CACTIN: variants seen among roughly 807,000 people sequenced by gnomAD.
CACTIN encodes the protein cactin, spliceosome C complex subunit.
In CACTIN, 20 loss-of-function variants were observed where a neutral mutation model predicts 84.9. That is an observed-to-expected ratio of 0.24 (90% CI 0.17 to 0.34). The LOEUF is 0.34. CACTIN is among the 10% of genes least tolerant of loss of function. The pLI is 1.00. For missense variants in CACTIN, 897 were observed against 1,117.2 expected (o/e 0.80, Z 2.81); for synonymous variants, 549 against 467.9 (o/e 1.17, Z -2.24).
At position 3,612,126 on chromosome 19, in the gene CACTIN, G is replaced by A; in HGVS notation, c.2074C>T (p.Pro692Ser). The change falls in exon 10 of 10, where the codon CCC (proline) becomes TCC (serine). Residue 692 changes from proline to serine, a missense_variant. Pro to Ser is a moderately conservative substitution (Grantham distance 74, BLOSUM62 -1). Around this residue, in one of 8 missense-constraint regions of CACTIN, gnomAD observed 50 missense variants for 51.6 expected, o/e 0.97. Transcript: ENST00000429344. ...GCGCAGGCCTCCAGGAAGTACTCGGGCGTGGAGCGCTTGTCGATGAGGTCG... is the reference window on the plus strand; with the variant it reads ...GCGCAGGCCTCCAGGAAGTACTCGGACGTGGAGCGCTTGTCGATGAGGTCG... ...YPDLIDKRST[P>S]EYFLEACADN... 1 of 1,613,814 alleles carries A rather than the reference G, an allele frequency of 6.2e-7. No individual in the cohort carries two copies. Among genetic ancestry groups the A allele is most frequent in the South Asian group, 1.1e-5 (1 of 91,092 alleles).
At chr19:3,617,069 A>T (rs1251343916) in intron 6 of CACTIN, among the ~76,000 whole-genome samples, 1 of 152,024 alleles carries the variant, frequency 6.6e-6, no homozygotes, top group Non-Finnish European at 1.5e-5. Context: ...CACAGTGAGC[A>T]GAGATCGCAC....
intron 6 of CACTIN, chr19:3,616,190 G>A (rs1024233432): frequency 1.3e-5 from 2 of 152,292 alleles, no homozygotes; most frequent in Non-Finnish European, 2.9e-5. Flanking sequence ...GCCCTACACA[G>A]GGTGGGAGGC....
At chr19:3,619,937 T>C (rs2033187809) in intron 4 of CACTIN, among the ~76,000 whole-genome samples, 190 bp downstream of exon 4, 1 of 152,128 alleles carries the variant, frequency 6.6e-6, no homozygotes, top group Admixed American at 6.5e-5. Flanking sequence ...CCGTCTCCTC[T>C]GCACCCTGCC....
At chr19:3,619,548 T>C (rs1214300919) in intron 4 of CACTIN, among the ~76,000 whole-genome samples, 1 of 152,114 alleles carries the variant, frequency 6.6e-6, no homozygotes, top group Non-Finnish European at 1.5e-5. Flanking sequence ...CTATGTGGGC[T>C]GTGATGGGGA....
At position 3,613,520 on chromosome 19, in the gene CACTIN, C is replaced by T. The variant is rs1483684466; in HGVS notation, c.1422G>A (p.Val474=). The part of the protein sequence containing the change: ...KLYKLKQEQG[V]ESEPLFPILK... ...GGATGGGGAACAGCGGCTCGCTCTCCACGCCCTGCTCCTGCTTCAGTTTGT... is the reference window on the plus strand; with the variant it reads ...GGATGGGGAACAGCGGCTCGCTCTCTACGCCCTGCTCCTGCTTCAGTTTGT... The change falls in exon 8 of 10, where the codon GTG becomes GTA. Residue 474 remains valine, a synonymous_variant. Coordinates refer to ENST00000429344, the MANE Select transcript of CACTIN (RefSeq NM_001080543.2). 10 of 1,590,482 alleles carry T rather than the reference C, an allele frequency of 6.3e-6. No individual in the cohort carries two copies. Among genetic ancestry groups the T allele is most frequent in the Non-Finnish European group, 7.7e-6 (9 of 1,173,164 alleles).
At chr19:3,625,622 C>A (rs1338216125) in intron 1 of CACTIN, among the ~76,000 whole-genome samples, 3 of 152,170 alleles carry the variant, frequency 2.0e-5, no homozygotes, top group Non-Finnish European at 4.4e-5. Flanking sequence ...CCCCAGCTAC[C>A]GGGGAGGCTG....
chr19:3,626,068 C>G (rs1165876493), intron 1 of CACTIN, among the ~76,000 whole-genome samples: 1 of 152,174 alleles, frequency 6.6e-6, no homozygotes, highest in African/African-American at 2.4e-5. Context: ...CCTCTGAAAT[C>G]TACGCACTTT....
In CACTIN at chr19:3,626,749, G is replaced by C. The variant is rs762520508; in HGVS notation, c.14C>G (p.Thr5Arg). 1.2e-5 allele frequency: 18 copies of C among 1,485,760 alleles called. No individual in the cohort carries two copies. Among genetic ancestry groups the C allele is most frequent in the African/African-American group, 8.8e-5 (6 of 68,550 alleles). 92.0% of individuals were successfully genotyped at this position (1,485,760 alleles called of 1,614,324 possible). Reference sequence around the variant, plus strand: ...ACCCGCGGACCGCGAGCGCGAGCGTGTGTCCCGACCCATCGGCTGGGCCAG... The same window carrying C: ...ACCCGCGGACCGCGAGCGCGAGCGTCTGTCCCGACCCATCGGCTGGGCCAG... Reference protein sequence around the residue: MGRDTRSRSRSAGRR... With the variant: MGRDRRSRSRSAGRR... Residue 5 changes from threonine to arginine, a missense_variant, in exon 1 of 10, where the codon ACA becomes AGA. This residue lies in a region of CACTIN where 261 missense variants were observed against 243.8 expected (regional missense o/e 1.07). Coordinates refer to ENST00000429344, the MANE Select transcript of CACTIN (RefSeq NM_001080543.2).
rs1190241361 is a variant in CACTIN, at chr19:3,613,323, G to A, written c.1521C>T (p.Ser507=). ...CGGCCTCCGCGGGGCCGCCCTCCGA[G>A]GAGGGCCCGGGCGGGGTGGGCGCCG... The part of the protein sequence containing the change: ...EDAAPTPPGP[S]SEGGPAEAEV... The change falls in exon 9 of 10, where the codon TCC becomes TCT. Residue 507 remains serine (S), a synonymous_variant. Transcript: ENST00000429344. 3 of 1,548,910 alleles carry A rather than the reference G, an allele frequency of 1.9e-6. No individual in the cohort carries two copies. The highest frequency in any genetic ancestry group is 8.7e-7 in the Non-Finnish European group (1 of 1,154,838).
chr19:3,610,760 A>C lies in CACTIN; in HGVS notation c.*1163T>G, dbSNP rs2032928001. 1 of 456,946 alleles carries C rather than the reference A, an allele frequency of 2.2e-6. No individual in the cohort carries two copies. Among genetic ancestry groups the C allele is most frequent in the African/African-American group, 2.0e-5 (1 of 50,084 alleles). 28.3% of individuals were successfully genotyped at this position (456,946 alleles called of 1,614,324 possible). ...AAGTCTTTTTAGAGAAACAAACGGA[A>C]CTATTTCCAGATGAGGCGGGGTGTC... is the stretch of plus-strand genomic sequence containing the variant. On this transcript the variant is annotated 3_prime_UTR_variant, in exon 10 of 10. Coordinates refer to ENST00000429344, the MANE Select transcript of CACTIN (RefSeq NM_001080543.2).
rs372960570 is a variant in CACTIN at position 3,622,473 on chromosome 19, GAACATTTA to G, written c.642+1207_642+1214del. ...ATGCCTGGTGTCCTCATGGGAAGAG[GAACATTTA>G]CACACAGACACACAGAGCAGAAGGC... On this transcript the variant is annotated intron_variant, in intron 2 of 9. Coordinates refer to ENST00000429344, the MANE Select transcript of CACTIN (RefSeq NM_001080543.2). 5.2e-4 allele frequency among the ~76,000 whole-genome samples: 79 copies of G among 152,286 alleles called. 1 individual carries two copies. The East Asian group carries it at 0.014, about 27-fold the overall frequency.
At chr19:3,614,861 A>G (rs540749152) in intron 6 of CACTIN, 2 of 524,664 alleles carry the variant, frequency 3.8e-6, no homozygotes, top group South Asian at 2.0e-5. Context: ...GGGGGAGGCC[A>G]GGACTGGCCC....
rs775471868 is a variant in CACTIN, at chr19:3,612,558, A to G, written c.1787-145T>C. ...GAGCTAAGGCACATGGGGAGGGGAC[A>G]GGGCCTGGGCGACCCGGAGACCCAC... On this transcript the variant is annotated intron_variant, in intron 9 of 9. Transcript: ENST00000429344. 8.6e-4 allele frequency: 1,066 copies of G among 1,241,584 alleles called. 2 individuals carry two copies. Among genetic ancestry groups the G allele is most frequent in the Non-Finnish European group, 7.5e-4 (688 of 918,844 alleles). The allele number at this position is 1,241,584 out of a possible 1,614,324, so 76.9% of individuals were successfully genotyped here. A position where few individuals can be genotyped will look rare whatever the true frequency, so the allele number is the denominator to read the frequency against.
rs1599890064 is a variant in CACTIN at position 3,619,004 on chromosome 19, C to G, written c.1048-15G>C. 6.4e-7 allele frequency: 1 copy of G among 1,550,420 alleles called. No individual in the cohort carries two copies. The highest frequency in any genetic ancestry group is 8.7e-7 in the Non-Finnish European group (1 of 1,146,616). On this transcript the variant is annotated splice_polypyrimidine_tract_variant and intron_variant, in intron 5 of 9. Transcript: ENST00000429344. ...TCCATGTAGACCTGGGGGCAGGGGG[C>G]AGGGGTCAGGACACGGGTGTGGCTG...
In CACTIN at chr19:3,613,364, G is replaced by C; in HGVS notation, c.1480C>G (p.Leu494Val). 3 of 1,521,260 alleles carry C rather than the reference G, an allele frequency of 2.0e-6. No individual in the cohort carries two copies. Among genetic ancestry groups the C allele is most frequent in the Non-Finnish European group, 2.6e-6 (3 of 1,138,824 alleles). The allele number at this position is 1,521,260 out of a possible 1,614,324, so 94.2% of individuals were successfully genotyped here. A position where few individuals can be genotyped will look rare whatever the true frequency, so the allele number is the denominator to read the frequency against. The stretch of plus-strand genomic sequence containing the variant: ...GTGGGCGCCGCGTCCTCAGGCTCCA[G>C]GCTGGGAGGAGAGAGCGTTGGAGGC... ...KQEPQSPSRSLEPEDAAPTPP... is the reference protein window; with the variant it reads ...KQEPQSPSRSVEPEDAAPTPP... The change falls in exon 9 of 10, where the codon CTG becomes GTG. Residue 494 changes from leucine to valine, a missense_variant and splice_region_variant. Physicochemically the swap from Leu to Val is conservative, Grantham distance 32. Coordinates refer to ENST00000429344, the MANE Select transcript of CACTIN (RefSeq NM_001080543.2).
rs1168620069 is a variant in CACTIN, at chr19:3,623,835, C to T, written c.495G>A (p.Glu165=). ...ELMKAFETPE[E]KRARRLAKKE... is the part of the protein sequence containing the mutation. ...TCTTGGCCAGCCGCCGTGCGCGCTT[C>T]TCCTCGGGCGTCTCGAAGGCCTTCA... The change falls in exon 2 of 10, where the codon GAG becomes GAA. Residue 165 remains glutamate (E), a synonymous_variant. Transcript: ENST00000429344. The T allele has an allele frequency of 1.2e-6, 2 of 1,612,804 alleles. No individual in the cohort carries two copies. Among genetic ancestry groups the T allele is most frequent in the East Asian group, 2.2e-5 (1 of 44,882 alleles).
chr19:3,624,501 G>A (rs2033294001), intron 1 of CACTIN, among the ~76,000 whole-genome samples: 4 of 152,312 alleles, frequency 2.6e-5, no homozygotes, highest in South Asian at 4.1e-4. Flanking sequence ...TGGGGAGGCA[G>A]CGATGGGTGG....
rs114844570 is a variant in CACTIN, at chr19:3,613,897, A to T, written c.1356-311T>A. ...AAGGGGCCCAGCAGGACACCAGCCA[A>T]CAAGCATGATAAATTTAGAGACATT... On this transcript the variant is annotated intron_variant, in intron 7 of 9. Coordinates refer to ENST00000429344, the MANE Select transcript of CACTIN (RefSeq NM_001080543.2). 6.3e-4 allele frequency: 306 copies of T among 482,042 alleles called. 1 individual carries two copies. Among genetic ancestry groups the T allele is most frequent in the African/African-American group, 5.5e-3 (283 of 51,506 alleles). The allele number at this position is 482,042 out of a possible 1,614,324, so 29.9% of individuals were successfully genotyped here.
chr19:3,614,120 C>T (rs1179888849), intron 7 of CACTIN, among the ~76,000 whole-genome samples: 3 of 152,172 alleles, frequency 2.0e-5, no homozygotes, highest in South Asian at 2.1e-4. Context: ...CGTTAAAGGG[C>T]GGAAGCTCCT....
Sources: gnomAD v4.1 joint callset for allele counts (sites outside exome capture counted in the v4.1 genomes callset) on GRCh38, gnomAD v4.1.1 for gene constraint, gnomAD v4.1.1 regional missense constraint, MANE v1.5 for transcripts, NCBI Gene and HGNC (gene_info 2026-07-23, HGNC 2026-07-21) for gene names.